The following PUDP variants were observed in gnomAD, a reference collection of about 807,000 sequenced individuals.
The protein encoded by PUDP is pseudouridine 5'-phosphatase, also known as pseudouridine-5'-phosphatase.
Under a neutral mutation model 9.4 loss-of-function variants are expected in PUDP, and 8 were observed. That is an observed-to-expected ratio of 0.85 (90% CI 0.50 to 1.53). The LOEUF (loss-of-function observed/expected upper bound fraction) is 1.53, where lower values mean the gene tolerates loss of function less well. Ranked by LOEUF, PUDP falls within the 40% of genes most tolerant of loss-of-function variation. The pLI is 0.00. For missense variants in PUDP, 188 were observed against 189.7 expected (o/e 0.99, Z 0.05); for synonymous variants, 99 against 80.7 (o/e 1.23, Z -1.22).
chrX:6,750,370 A>G (rs974095942), intron 3 of PUDP, among the ~76,000 whole-genome samples: 1 of 111,458 alleles, frequency 9.0e-6, no homozygotes, highest in Admixed American at 9.6e-5. Context: ...ACCTTTGGAA[A>G]TAGGACTTTG....
At chrX:6,838,431 C>G (rs975933659) in intron 3 of PUDP, among the ~76,000 whole-genome samples, 2 of 112,136 alleles carry the variant, frequency 1.8e-5, no homozygotes, top group Non-Finnish European at 3.8e-5. Context: ...AGGCTAGAGT[C>G]AAGGTAGCAA....
At chrX:6,890,360 G>A (rs1927494403) in intron 3 of PUDP, among the ~76,000 whole-genome samples, 1 of 111,686 alleles carries the variant, frequency 9.0e-6, no homozygotes, top group Non-Finnish European at 1.9e-5. Flanking sequence ...GATTCTGATT[G>A]AGTCTTTGCA....
At chrX:6,837,392 G>A (rs1195477515) in intron 3 of PUDP, among the ~76,000 whole-genome samples, 1 of 113,021 alleles carries the variant, frequency 8.8e-6, no homozygotes, top group Admixed American at 9.3e-5. Flanking sequence ...GAATAGCCCT[G>A]CCATAATGGC....
chrX:6,760,574 T>C (rs182364383), intron 3 of PUDP, among the ~76,000 whole-genome samples: 311 of 112,157 alleles, frequency 2.8e-3, no homozygotes, highest in Non-Finnish European at 4.8e-3. Flanking sequence ...TTACTTTTTA[T>C]CAATTAACTA....
At chrX:6,879,838 G>A (rs1849656388) in intron 3 of PUDP, among the ~76,000 whole-genome samples, 1 of 111,122 alleles carries the variant, frequency 9.0e-6, no homozygotes, top group African/African-American at 3.3e-5. Context: ...AGCCTGCCCT[G>A]GGTTTCACAC....
chrX:7,073,404 T>A (rs1315290259), intron 3 of PUDP, among the ~76,000 whole-genome samples: 1 of 112,299 alleles, frequency 8.9e-6, no homozygotes, highest in Non-Finnish European at 1.9e-5. Context: ...CTATGCCTAA[T>A]TAACCTGGTG....
At chrX:7,093,503 A>G (rs1206097986) in intron 2 of PUDP, among the ~76,000 whole-genome samples, 1 of 110,406 alleles carries the variant, frequency 9.1e-6, no homozygotes, top group African/African-American at 3.3e-5. Flanking sequence ...GCAAGCTGGC[A>G]GCGCTCTACA....
intron 3 of PUDP, among the ~76,000 whole-genome samples, chrX:6,873,738 T>C (rs1927210206): frequency 8.9e-6 from 1 of 111,929 alleles, no homozygotes; most frequent in African/African-American, 3.2e-5. Context: ...TAAAAACTAG[T>C]TGTCAATCAG....
At chrX:6,886,997 T>C (rs1006917102) in intron 3 of PUDP, among the ~76,000 whole-genome samples, 2 of 106,707 alleles carry the variant, frequency 1.9e-5, no homozygotes, top group Admixed American at 1.0e-4. Flanking sequence ...ATATATGATA[T>C]TGCATATAAT....
chrX:6,749,438 A>AG (rs1383386019), intron 3 of PUDP, among the ~76,000 whole-genome samples: 1 of 111,065 alleles, frequency 9.0e-6, no homozygotes, highest in Non-Finnish European at 1.9e-5. Flanking sequence ...GAGGGAAAGG[A>AG]GGTGGCCGTT....
intron 1 of PUDP, among the ~76,000 whole-genome samples, chrX:7,043,060 T>C (rs766700830): frequency 9.0e-6 from 1 of 111,633 alleles, no homozygotes; most frequent in Admixed American, 9.5e-5. Context: ...TCAGTAGAGT[T>C]AGTTTTTGCT....
intron 3 of PUDP, among the ~76,000 whole-genome samples, chrX:6,874,156 A>AT (rs772668274): frequency 4.6e-5 from 5 of 108,799 alleles, no homozygotes; most frequent in Non-Finnish European, 7.7e-5. Context: ...GAAAGAAAGG[A>AT]TTTTTTTTTC....
chrX:6,861,815 G>A (rs1927005960), intron 3 of PUDP, among the ~76,000 whole-genome samples: 1 of 111,250 alleles, frequency 9.0e-6, no homozygotes, highest in African/African-American at 3.3e-5. Flanking sequence ...TGGGAAGGAA[G>A]GTATGGTCTT....
chrX:6,973,698 A>G (rs971772396), intron 3 of PUDP, among the ~76,000 whole-genome samples: 4 of 111,153 alleles, frequency 3.6e-5, no homozygotes, highest in Admixed American at 2.9e-4. Flanking sequence ...TGGGGTGGAG[A>G]GTTTTGTAGA....
intron 1 of PUDP, chrX:6,989,371 A>G (rs1482766395): frequency 1.4e-5 from 2 of 139,499 alleles, no homozygotes; most frequent in Non-Finnish European, 3.0e-5. Context: ...CATTCTCAAC[A>G]TTGAACCATT....
chrX:7,011,315 T>C (rs1350225134), intron 1 of PUDP, among the ~76,000 whole-genome samples: 2 of 111,873 alleles, frequency 1.8e-5, no homozygotes, highest in Admixed American at 9.5e-5. Flanking sequence ...AGTTAGGAAG[T>C]AGCCCACTTG....
At chrX:7,124,293 A>G (rs1932421267) in intron 1 of PUDP, among the ~76,000 whole-genome samples, 1 of 112,269 alleles carries the variant, frequency 8.9e-6, no homozygotes, top group Non-Finnish European at 1.9e-5. Context: ...TTTGTGGGTC[A>G]AAGATGAAAT....
At chrX:6,934,450 C>A (rs1324012490) in intron 3 of PUDP, among the ~76,000 whole-genome samples, 11 of 109,680 alleles carry the variant, frequency 1.0e-4, no homozygotes, top group African/African-American at 3.3e-4. Context: ...TTTGTCACCA[C>A]CAGGCCTGCC....
At chrX:6,784,062 A>G (rs1175591084) in intron 3 of PUDP, among the ~76,000 whole-genome samples, 1 of 111,415 alleles carries the variant, frequency 9.0e-6, no homozygotes, top group Non-Finnish European at 1.9e-5. Flanking sequence ...TTAAATGCTA[A>G]TCTCTTCTGG....
Sources: gnomAD v4.1 joint callset for allele counts (sites outside exome capture counted in the v4.1 genomes callset) on GRCh38, gnomAD v4.1.1 for gene constraint, MANE v1.5 for transcripts, NCBI Gene and HGNC (gene_info 2026-07-23, HGNC 2026-07-21) for gene names.